The following FNDC3B variants were observed in gnomAD, a reference collection of about 807,000 sequenced individuals.
The protein encoded by FNDC3B is fibronectin type III domain-containing protein 3B.
A neutral mutation model predicts 151.5 loss-of-function variants in FNDC3B; 12 were observed. The ratio of observed to expected loss-of-function variants is 0.08; its 90% CI spans 0.05 to 0.13. The LOEUF (loss-of-function observed/expected upper bound fraction) is 0.13. Ranked by LOEUF, FNDC3B falls within the 10% of genes least tolerant of loss-of-function variation. FNDC3B has a pLI of 1.00. For missense variants in FNDC3B, 1,214 were observed against 1,505.3 expected (o/e 0.81, Z 3.20); for synonymous variants, 528 against 549.0 (o/e 0.96, Z 0.54).
chr3:172,072,679 A>G (rs745375710), intron 1 of FNDC3B, among the ~76,000 whole-genome samples: 2 of 152,224 alleles, frequency 1.3e-5, no homozygotes, highest in African/African-American at 2.4e-5. Flanking sequence ...CAAGCTTAAC[A>G]TTAGGCGTGA....
At chr3:172,314,487 A>G (rs372354056) in intron 11 of FNDC3B, among the ~76,000 whole-genome samples, 28 of 152,166 alleles carry the variant, frequency 1.8e-4, no homozygotes, top group East Asian at 9.6e-4. Flanking sequence ...ATCTCCATAT[A>G]TGCAACCACT....
intron 1 of FNDC3B, among the ~76,000 whole-genome samples, chr3:172,107,257 G>A (rs34164770): frequency 0.076 from 11,553 of 152,262 alleles, 639 homozygotes; most frequent in Non-Finnish European, 0.11. Context: ...CTTTGAAATG[G>A]AAGTATGGGT....
chr3:172,051,578 A>C (rs1429215342), intron 1 of FNDC3B, among the ~76,000 whole-genome samples: 2 of 152,182 alleles, frequency 1.3e-5, no homozygotes, highest in African/African-American at 4.8e-5. Flanking sequence ...AGGGTGAGGG[A>C]TAAAAGACTA....
intron 9 of FNDC3B, chr3:172,306,919 G>A (rs929476368): frequency 6.2e-6 from 1 of 161,524 alleles, no homozygotes; most frequent in Non-Finnish European, 1.4e-5. Context: ...TATCTACCCT[G>A]TTTGTACTTT....
chr3:172,356,695 A>G (rs1164549341), intron 22 of FNDC3B, among the ~76,000 whole-genome samples: 2 of 152,204 alleles, frequency 1.3e-5, no homozygotes, highest in Non-Finnish European at 2.9e-5. Context: ...CTCGGAGCCC[A>G]TCTTTTCCCC....
intron 6 of FNDC3B, among the ~76,000 whole-genome samples, chr3:172,258,754 CAG>C (rs1457234021): frequency 2.0e-5 from 3 of 152,194 alleles, no homozygotes; most frequent in African/African-American, 4.8e-5. Flanking sequence ...GGAGTCAAGA[CAG>C]ATTTTCTTTT....
intron 11 of FNDC3B, among the ~76,000 whole-genome samples, chr3:172,314,596 C>T (rs750642749): frequency 6.6e-6 from 1 of 152,154 alleles, no homozygotes; most frequent in Non-Finnish European, 1.5e-5. Context: ...TTGTAATCAC[C>T]TTTGCAATAA....
intron 6 of FNDC3B, among the ~76,000 whole-genome samples, chr3:172,279,899 CGTTGTTGTTGTT>C (rs59528273): frequency 2.0e-5 from 3 of 151,356 alleles, no homozygotes; most frequent in Non-Finnish European, 4.4e-5. Flanking sequence ...AACACATATT[CGTTGTTGTTGTT>C]GTTGTTGTTG....
At chr3:172,160,452 TAC>T (rs1033782009) in intron 3 of FNDC3B, among the ~76,000 whole-genome samples, 10 of 152,356 alleles carry the variant, frequency 6.6e-5, no homozygotes, top group African/African-American at 2.2e-4. Context: ...TTCTAGGGTT[TAC>T]ACCCCAACCC....
At chr3:172,225,851 G>A (rs1726538100) in intron 3 of FNDC3B, 1 of 153,314 alleles carries the variant, frequency 6.5e-6, no homozygotes, top group South Asian at 2.0e-4. Flanking sequence ...CTTCCTGTAA[G>A]GACTTTTATG....
intron 1 of FNDC3B, among the ~76,000 whole-genome samples, chr3:172,043,230 CTTGTAATTATTTTAAACTTAA>C (rs1223194616): frequency 3.3e-5 from 5 of 152,192 alleles, no homozygotes; most frequent in Admixed American, 3.3e-4. Flanking sequence ...GTTTTATTTA[CTTGTAATTATTTTAAACTTAA>C]ATTTCCACTT....
At chr3:172,270,498 CTT>C (rs1184220035) in intron 6 of FNDC3B, among the ~76,000 whole-genome samples, 3 of 152,246 alleles carry the variant, frequency 2.0e-5, no homozygotes, top group Admixed American at 6.5e-5. Context: ...TATTCTCTCT[CTT>C]GGAAAGTTCT....
At chr3:172,176,090 C>A (rs963074682) in intron 3 of FNDC3B, among the ~76,000 whole-genome samples, 6 of 152,166 alleles carry the variant, frequency 3.9e-5, no homozygotes, top group African/African-American at 1.4e-4. Flanking sequence ...AGTTCCAAGC[C>A]AGGTAATGGG....
At chr3:172,057,603 T>TA (rs1281019808) in intron 1 of FNDC3B, among the ~76,000 whole-genome samples, 1 of 151,864 alleles carries the variant, frequency 6.6e-6, no homozygotes, top group African/African-American at 2.4e-5. Context: ...GAAAGGATAA[T>TA]AGGGATCGAA....
At chr3:172,346,997 C>G (rs912307967) in intron 20 of FNDC3B, among the ~76,000 whole-genome samples, 2 of 152,186 alleles carry the variant, frequency 1.3e-5, no homozygotes, top group South Asian at 4.1e-4. Context: ...AGCCGCCGCA[C>G]CTGGCCCTAT....
At chr3:172,253,583 T>G (rs999481554) in intron 6 of FNDC3B, among the ~76,000 whole-genome samples, 2 of 152,204 alleles carry the variant, frequency 1.3e-5, no homozygotes, top group African/African-American at 4.8e-5. Flanking sequence ...GATTCTTAAG[T>G]TTCCAGTGCC....
chr3:172,295,636 A>G, intron 8 of FNDC3B, 122 bp downstream of exon 8: 2 of 808,984 alleles, frequency 2.5e-6, no homozygotes, highest in Non-Finnish European at 3.8e-6. Flanking sequence ...TTATTTTAAG[A>G]TTTAGTAATA....
Position 172,196,769 on chromosome 3 carries a change from G to A in FNDC3B, c.188-30102G>A, listed in dbSNP as rs116012231. Among the ~76,000 whole-genome samples, 1,076 of 152,262 alleles carry A rather than the reference G, an allele frequency of 7.1e-3. 6 individuals are homozygous for A. The highest frequency in any genetic ancestry group is 0.01 in the Non-Finnish European group (700 of 68,014). On this transcript the variant is annotated intron_variant, in intron 3 of 25. Transcript: ENST00000415807. Reference sequence around the variant, plus strand: ...AGCCACACAGATGATGGCACCTCACGTTTCGCTTTTTCTTGTCCAAAGAAG... The same window carrying A: ...AGCCACACAGATGATGGCACCTCACATTTCGCTTTTTCTTGTCCAAAGAAG...
rs1736551956 is a variant in FNDC3B at position 172,401,060 on chromosome 3, CT to C, written c.*3586del. On this transcript the variant is annotated 3_prime_UTR_variant, in exon 26 of 26. Transcript: ENST00000415807. ...GCCTCAGCCTCCCAAGTAGCTGGGA[CT>C]ACAGGTGCCCGCCACCACGCCCGGC... The C allele has an allele frequency of 6.6e-6, 1 of 151,556 alleles. No individual in the cohort carries two copies. Among genetic ancestry groups the C allele is most frequent in the African/African-American group, 2.4e-5 (1 of 41,168 alleles). 9.4% of individuals were successfully genotyped at this position (151,556 alleles called of 1,614,324 possible).
Sources: gnomAD v4.1 joint callset for allele counts (sites outside exome capture counted in the v4.1 genomes callset) on GRCh38, gnomAD v4.1.1 for gene constraint, MANE v1.5 for transcripts, NCBI Gene and HGNC (gene_info 2026-07-23, HGNC 2026-07-21) for gene names.